The following NRG3 variants were observed in gnomAD, a reference collection of about 807,000 sequenced individuals.
NRG3 encodes neuregulin 3.
NRG3 carries 31 observed loss-of-function variants against 66.9 expected under a neutral mutation model. That is an observed-to-expected ratio of 0.46 (90% CI 0.35 to 0.63). The LOEUF is 0.63. Among genes scored for constraint, NRG3 ranks in the 20% least tolerant of loss-of-function variants. The probability of loss-of-function intolerance (pLI) is 0.00; values close to 1 mark genes in which losing one functional copy is unlikely to be tolerated. For missense variants in NRG3, 910 were observed against 878.9 expected, an observed-to-expected ratio of 1.04 and a Z score of -0.45; for synonymous variants, 393 against 359.4, an observed-to-expected ratio of 1.09 and a Z score of -1.06.
At chr10:82,703,286 C>A (rs1286802758) in intron 2 of NRG3, among the ~76,000 whole-genome samples, 1 of 152,062 alleles carries the variant, frequency 6.6e-6, no homozygotes, top group Admixed American at 6.6e-5. Flanking sequence ...CTCCTTAGAC[C>A]TTCACCATAT....
intron 1 of NRG3, among the ~76,000 whole-genome samples, chr10:82,266,869 G>T (rs1241000024): frequency 6.6e-6 from 1 of 152,186 alleles, no homozygotes; most frequent in African/African-American, 2.4e-5. Flanking sequence ...GAATTTCTAT[G>T]TATTCCCTTA....
chr10:82,245,152 C>G (rs867483781), intron 1 of NRG3, among the ~76,000 whole-genome samples: 1 of 152,108 alleles, frequency 6.6e-6, no homozygotes, highest in South Asian at 2.1e-4. Context: ...GTTCCTGCAA[C>G]TAGAGGGTTC....
chr10:82,311,303 TA>T (rs1296015729), intron 1 of NRG3, among the ~76,000 whole-genome samples: 1 of 152,204 alleles, frequency 6.6e-6, no homozygotes. Context: ...TCTATACTTT[TA>T]TCTAAAATAA....
At chr10:82,045,828 C>G (rs542923314) in intron 1 of NRG3, among the ~76,000 whole-genome samples, 3,688 of 108,564 alleles carry the variant, frequency 0.034, 290 homozygotes, top group African/African-American at 0.12. Context: ...ATAGGGAATC[C>G]TTTCCCCATT....
chr10:82,392,000 A>C (rs1412911248), intron 2 of NRG3, among the ~76,000 whole-genome samples: 1 of 148,330 alleles, frequency 6.7e-6, no homozygotes, highest in Non-Finnish European at 1.5e-5. Flanking sequence ...ATGCAAAAAA[A>C]AAAAAAAAAA....
At chr10:82,223,642 A>AAAACACACACACACAC (rs1225527774) in intron 1 of NRG3, among the ~76,000 whole-genome samples, 1 of 137,926 alleles carries the variant, frequency 7.3e-6, no homozygotes, top group Non-Finnish European at 1.6e-5. Context: ...AACCACCCCA[A>AAAACACACACACACAC]ACACACACAC....
intron 2 of NRG3, among the ~76,000 whole-genome samples, chr10:82,460,374 T>C (rs527661273): frequency 6.6e-6 from 1 of 152,318 alleles, no homozygotes; most frequent in African/African-American, 2.4e-5. Context: ...AAGTTGTAGT[T>C]ATGACTTACA....
intron 4 of NRG3, among the ~76,000 whole-genome samples, chr10:82,872,379 C>G (rs1194888353): frequency 6.6e-6 from 1 of 152,028 alleles, no homozygotes; most frequent in Non-Finnish European, 1.5e-5. Context: ...AACACAGGGT[C>G]ACAAGGAGGT....
chr10:82,644,104 C>G (rs2050774849), intron 2 of NRG3, among the ~76,000 whole-genome samples: 1 of 152,142 alleles, frequency 6.6e-6, no homozygotes, highest in South Asian at 2.1e-4. Flanking sequence ...TGTCTGCCAG[C>G]TTTCTAGAAG....
chr10:82,443,004 A>G (rs1334488979), intron 2 of NRG3, among the ~76,000 whole-genome samples: 1 of 151,998 alleles, frequency 6.6e-6, no homozygotes, highest in Admixed American at 6.6e-5. Context: ...TGGAACTTTC[A>G]ATAGATACTT....
chr10:82,386,745 A>G (rs989391632), intron 2 of NRG3, among the ~76,000 whole-genome samples: 3 of 152,152 alleles, frequency 2.0e-5, no homozygotes, highest in African/African-American at 7.2e-5. Flanking sequence ...CTGTTATTCT[A>G]AACACAGGAG....
intron 1 of NRG3, among the ~76,000 whole-genome samples, chr10:82,248,579 A>AT (rs1029635871): frequency 6.6e-6 from 1 of 152,134 alleles, no homozygotes; most frequent in Non-Finnish European, 1.5e-5. Flanking sequence ...AATAGTATCT[A>AT]TTTTTTGGAT....
intron 1 of NRG3, among the ~76,000 whole-genome samples, chr10:82,131,736 T>C (rs538246253): frequency 1.3e-5 from 2 of 152,150 alleles, no homozygotes; most frequent in African/African-American, 2.4e-5. Flanking sequence ...GTTTTCATTG[T>C]AGATAACTTT....
intron 2 of NRG3, among the ~76,000 whole-genome samples, chr10:82,477,475 G>T (rs1841887791): frequency 1.3e-5 from 2 of 152,164 alleles, no homozygotes; most frequent in South Asian, 4.1e-4. Flanking sequence ...CCTATTATGT[G>T]TCCGAGCAAG....
intron 1 of NRG3, among the ~76,000 whole-genome samples, chr10:82,138,596 T>A (rs964638116): frequency 4.6e-5 from 7 of 152,162 alleles, no homozygotes; most frequent in Non-Finnish European, 8.8e-5. Context: ...TTGACTCACA[T>A]GATCACAAGG....
At chr10:82,794,306 A>C (rs1565322865) in intron 3 of NRG3, among the ~76,000 whole-genome samples, 1 of 152,178 alleles carries the variant, frequency 6.6e-6, no homozygotes, top group Non-Finnish European at 1.5e-5. Context: ...TTTTAGTATC[A>C]GACTAGGGAA....
At chr10:82,205,265 C>G (rs2075058127) in intron 1 of NRG3, among the ~76,000 whole-genome samples, 1 of 152,156 alleles carries the variant, frequency 6.6e-6, no homozygotes, top group Non-Finnish European at 1.5e-5. Context: ...TTTTGATATT[C>G]ACATAGACCA....
intron 2 of NRG3, among the ~76,000 whole-genome samples, chr10:82,524,904 C>T (rs1428006862): frequency 1.3e-5 from 2 of 151,692 alleles, no homozygotes; most frequent in African/African-American, 2.4e-5. Context: ...TCAGTGTTTT[C>T]GCTGTAATTT....
chr10:82,699,523 G>T (rs112347249), intron 2 of NRG3, among the ~76,000 whole-genome samples: 1 of 151,854 alleles, frequency 6.6e-6, no homozygotes, highest in Non-Finnish European at 1.5e-5. Context: ...TTAAGACCTC[G>T]TTCCTCCCTT....
Sources: allele counts gnomAD v4.1 joint callset (sites outside exome capture counted in the v4.1 genomes callset), GRCh38; gene constraint gnomAD v4.1.1; transcripts MANE v1.5; gene names NCBI Gene and HGNC (gene_info 2026-07-23, HGNC 2026-07-21).